Variants in AP5Z1 observed in about 807,000 individuals in gnomAD.
AP5Z1 encodes the protein adaptor related protein complex 5 subunit zeta 1, also known as AP-5 complex subunit zeta-1.
AP5Z1 carries 106 observed loss-of-function variants against 83.0 expected under a neutral mutation model. The ratio of observed to expected loss-of-function variants is 1.28; its 90% CI spans 1.09 to 1.50. The LOEUF (loss-of-function observed/expected upper bound fraction) is 1.50, where lower values mean the gene tolerates loss of function less well. AP5Z1 is among the 40% of genes most tolerant of loss of function. AP5Z1 has a pLI of 0.00. For synonymous variants in AP5Z1, 751 were observed against 514.1 expected (o/e 1.46, Z -6.23); for missense variants, 1,565 against 1,094.2 (o/e 1.43, Z -6.07).
intron 1 of AP5Z1, among the ~76,000 whole-genome samples, chr7:4,779,840 C>T (rs1057184858): frequency 4.6e-5 from 7 of 151,948 alleles, no homozygotes; most frequent in African/African-American, 1.7e-4. Flanking sequence ...AACGGGGTTT[C>T]TCCATGTTAG....
chr7:4,787,472 CA>C (rs1419989045), intron 10 of AP5Z1, 161 bp from the exon 11 acceptor site: 16 of 1,093,930 alleles, frequency 1.5e-5, no homozygotes, highest in Admixed American at 2.8e-5. Context: ...GGCGACAGAG[CA>C]AGACCCTGTC....
chr7:4,788,436 T>G, intron 12 of AP5Z1, 142 bp downstream of exon 12: 1 of 1,081,192 alleles, frequency 9.2e-7, no homozygotes, highest in Non-Finnish European at 1.3e-6. Flanking sequence ...TCATCACCAT[T>G]ATAGAGGCCC....
intron 4 of AP5Z1, 91 bp downstream of exon 4, chr7:4,783,551 A>C: frequency 4.2e-6 from 4 of 953,208 alleles, no homozygotes; most frequent in Non-Finnish European, 6.3e-6. Context: ...TGTGGGGGGC[A>C]GGTGGGGGAC....
chr7:4,790,988 C>T (rs1781749666), intron 16 of AP5Z1, 101 bp downstream of exon 16: 2 of 1,473,972 alleles, frequency 1.4e-6, no homozygotes, highest in Non-Finnish European at 9.0e-7. Context: ...CGCAGCAGCG[C>T]AGGTCCTGGG....
At position 4,791,683 on chromosome 7, in the gene AP5Z1, GT is replaced by G. The variant is rs140188885; in HGVS notation, c.*301del. The G allele has an allele frequency of 1.3e-4, 62 of 486,098 alleles. No individual in the cohort carries two copies. Among genetic ancestry groups the G allele is most frequent in the Non-Finnish European group, 2.0e-4 (54 of 274,580 alleles). The allele number at this position is 486,098 out of a possible 1,614,324, so 30.1% of individuals were successfully genotyped here. A position where few individuals can be genotyped will look rare whatever the true frequency, so the allele number is the denominator to read the frequency against. ...GGGTCGGGTGGAGGCTGCTGGGTCTGTTTCCTAGTCTTTTGTTTTTGGACAG... is the reference window on the plus strand; with the variant it reads ...GGGTCGGGTGGAGGCTGCTGGGTCTGTTCCTAGTCTTTTGTTTTTGGACAG... On this transcript the variant is annotated 3_prime_UTR_variant, in exon 17 of 17. Transcript: ENST00000649063.
At chr7:4,783,257 G>C in intron 3 of AP5Z1, 59 bp from the exon 4 acceptor site, 2 of 1,505,104 alleles carry the variant, frequency 1.3e-6, no homozygotes, top group Non-Finnish European at 1.8e-6. Flanking sequence ...CTTCCGAAAT[G>C]GGGGAGCTGG....
chr7:4,779,734 G>C (rs1023479301), intron 1 of AP5Z1, among the ~76,000 whole-genome samples: 2 of 151,656 alleles, frequency 1.3e-5, no homozygotes, highest in East Asian at 3.9e-4. Flanking sequence ...TCCTCCTCCC[G>C]GGTTCAAGTG....
At chr7:4,785,754 TCTTCC>T in intron 9 of AP5Z1, 70 bp downstream of exon 9, 3 of 1,376,672 alleles carry the variant, frequency 2.2e-6, no homozygotes, top group Non-Finnish European at 2.8e-6. Flanking sequence ...TGGAATTTCT[TCTTCC>T]CTTTTTTTTT....
rs17135121 is a variant in AP5Z1, at chr7:4,784,340, C to A, written c.759C>A (p.Ser253Arg). Residue 253 changes from serine to arginine, a missense_variant, in exon 6 of 17, where the codon AGC becomes AGA. Ser to Arg is a moderately radical substitution (Grantham distance 110, BLOSUM62 -1). Transcript: ENST00000649063. ...TGCTGCGGGCGTGGCTGCTGCACAG[C>A]GGCCCCGAGGGCCCGGGCACCCTGG... is the stretch of plus-strand genomic sequence containing the variant. ...FSMLRAWLLHSGPEGPGTLDT... is the reference protein window; with the variant it reads ...FSMLRAWLLHRGPEGPGTLDT... 4 of 1,589,758 alleles carry A rather than the reference C, an allele frequency of 2.5e-6. No individual in the cohort carries two copies. The highest frequency in any genetic ancestry group is 4.6e-5 in the East Asian group (2 of 43,614).
intron 3 of AP5Z1, among the ~76,000 whole-genome samples, 167 bp from the exon 4 acceptor site, chr7:4,783,149 C>T (rs1781429914): frequency 6.6e-6 from 1 of 152,226 alleles, no homozygotes; most frequent in African/African-American, 2.4e-5. Flanking sequence ...GCGGAGCAGG[C>T]ACCTTGTGGC....
At chr7:4,788,682 G>T (rs1000429315) in intron 12 of AP5Z1, 158 bp from the exon 13 acceptor site, 2 of 635,120 alleles carry the variant, frequency 3.1e-6, no homozygotes, top group African/African-American at 3.7e-5. Flanking sequence ...TGACGCCAGG[G>T]GTCTCCCCAA....
chr7:4,784,314 A>G lies in AP5Z1; in HGVS notation c.733A>G (p.Met245Val). 1 of 1,597,170 alleles carries G rather than the reference A, an allele frequency of 6.3e-7. No individual in the cohort carries two copies. ...DQWLNVQAFS[M>V]LRAWLLHSGP... ...GTGGCTGAACGTGCAGGCCTTCTCT[A>G]TGCTGCGGGCGTGGCTGCTGCACAG... The change falls in exon 6 of 17, where the codon ATG becomes GTG. Residue 245 changes from methionine (M) to valine (V), a missense_variant. Coordinates refer to ENST00000649063, the MANE Select transcript of AP5Z1 (RefSeq NM_014855.3).
chr7:4,779,458 A>G (rs1371041833), intron 1 of AP5Z1, among the ~76,000 whole-genome samples: 3 of 146,886 alleles, frequency 2.0e-5, no homozygotes, highest in Non-Finnish European at 4.5e-5. Flanking sequence ...TATATATAAC[A>G]TATATATTAT....
At chr7:4,786,760 G>C (rs534136841) in intron 10 of AP5Z1, among the ~76,000 whole-genome samples, 143 of 152,062 alleles carry the variant, frequency 9.4e-4, no homozygotes, top group African/African-American at 3.2e-3. Context: ...TGGGCACTTG[G>C]GTGCCATTTG....
rs1017900360 is a variant in AP5Z1, at chr7:4,784,909, T to C, written c.792T>C (p.Asp264=). The part of the protein sequence containing the change: ...GPEGPGTLDT[D]DRSEQEGSTL... ...GCTGAGAGTTCCCACCTCCCGCAGA[T>C]GACAGGTCAGAGCAGGAGGGCTCCA... is the stretch of plus-strand genomic sequence containing the variant. The change falls in exon 7 of 17, where the codon GAT becomes GAC. Residue 264 remains aspartate (D), a splice_region_variant and synonymous_variant. Coordinates refer to ENST00000649063, the MANE Select transcript of AP5Z1 (RefSeq NM_014855.3). 6.2e-7 allele frequency: 1 copy of C among 1,609,664 alleles called. No homozygotes were observed. Among genetic ancestry groups the C allele is most frequent in the Non-Finnish European group, 8.5e-7 (1 of 1,177,700 alleles).
intron 1 of AP5Z1, among the ~76,000 whole-genome samples, chr7:4,780,360 T>C (rs886542070): frequency 1.3e-5 from 2 of 151,742 alleles, no homozygotes; most frequent in Non-Finnish European, 2.9e-5. Flanking sequence ...TGGCTCACGC[T>C]TGTCATCCCA....
chr7:4,790,140 C>A, intron 14 of AP5Z1: 1 of 1,464,770 alleles, frequency 6.8e-7, no homozygotes, highest in Non-Finnish European at 9.1e-7. Flanking sequence ...CTTCTTTCTG[C>A]CGAGCCTGTC....
Position 4,787,679 on chromosome 7 carries a change from C to G in AP5Z1, c.1357C>G (p.Leu453Val), listed in dbSNP as rs376979127. 2 of 1,552,782 alleles carry G rather than the reference C, an allele frequency of 1.3e-6. No homozygotes were observed. Among genetic ancestry groups the G allele is most frequent in the Non-Finnish European group, 1.7e-6 (2 of 1,148,742 alleles). The change falls in exon 11 of 17, where the codon CTC becomes GTC. Residue 453 changes from leucine (L) to valine (V), a missense_variant. By Grantham distance (32) the Leu-to-Val change is conservative (BLOSUM62 1). Transcript: ENST00000649063. ...SPPLTSEFVALLPALVDAGTA... is the reference protein window; with the variant it reads ...SPPLTSEFVAVLPALVDAGTA... ...ACCCCTCACCTCCGAGTTTGTGGCG[C>G]TCCTCCCGGCCCTGGTGGACGCTGG...
In AP5Z1 at chr7:4,792,310, C is replaced by G. The variant is rs1462890160; in HGVS notation, c.*925C>G. On this transcript the variant is annotated 3_prime_UTR_variant, in exon 17 of 17. Coordinates refer to ENST00000649063, the MANE Select transcript of AP5Z1 (RefSeq NM_014855.3). Reference sequence around the variant, plus strand: ...CCGCCCCCAGGCTCAAACTCTTCCCCCTCCCCACTCTGGCTCCGCCCCCGG... The same window carrying G: ...CCGCCCCCAGGCTCAAACTCTTCCCGCTCCCCACTCTGGCTCCGCCCCCGG... 1 of 152,212 alleles carries G rather than the reference C, an allele frequency of 6.6e-6. No individual in the cohort carries two copies. Among genetic ancestry groups the G allele is most frequent in the Non-Finnish European group, 1.5e-5 (1 of 68,074 alleles). The allele number at this position is 152,212 out of a possible 1,614,324, so 9.4% of individuals were successfully genotyped here. A position where few individuals can be genotyped will look rare whatever the true frequency, so the allele number is the denominator to read the frequency against.
Sources: allele counts gnomAD v4.1 joint callset (sites outside exome capture counted in the v4.1 genomes callset), GRCh38; gene constraint gnomAD v4.1.1; transcripts MANE v1.5; gene names NCBI Gene and HGNC (gene_info 2026-07-23, HGNC 2026-07-21).